Variants in MYO3A observed in about 807,000 individuals in gnomAD.
The protein encoded by MYO3A is myosin IIIA, also known as myosin-IIIa.
In MYO3A, 180 loss-of-function variants were observed where a neutral mutation model predicts 192.7. That is an observed-to-expected ratio of 0.93 (90% CI 0.83 to 1.06). The LOEUF (loss-of-function observed/expected upper bound fraction) is 1.06. MYO3A is among the 50% of genes least tolerant of loss of function. The pLI, the probability that MYO3A is intolerant of heterozygous loss-of-function variation, is 0.00. For synonymous variants in MYO3A, 628 were observed against 645.3 expected (o/e 0.97, Z 0.41); for missense variants, 1,896 against 1,905.0 (o/e 1.00, Z 0.09).
chr10:26,060,927 A>T (rs1452523830), intron 10 of MYO3A, among the ~76,000 whole-genome samples: 1 of 116,968 alleles, frequency 8.5e-6, no homozygotes, highest in Non-Finnish European at 2.1e-5. Context: ...TTTTATTTTT[A>T]TTTTATTTTA....
chr10:26,212,080 C>T lies in MYO3A; in HGVS notation c.*117C>T. ...GCACTGAAGCTGCGGCCCTGATCTCCGCAGAGGCTGCCTGCTGCGCTCGGC... is the reference window on the plus strand; with the variant it reads ...GCACTGAAGCTGCGGCCCTGATCTCTGCAGAGGCTGCCTGCTGCGCTCGGC... On this transcript the variant is annotated 3_prime_UTR_variant, in exon 35 of 35. Coordinates refer to ENST00000642920, the MANE Select transcript of MYO3A (RefSeq NM_017433.5). 1 of 1,405,450 alleles carries T rather than the reference C, an allele frequency of 7.1e-7. No individual in the cohort carries two copies. Among genetic ancestry groups the T allele is most frequent in the Non-Finnish European group, 9.5e-7 (1 of 1,054,422 alleles). 87.1% of individuals were successfully genotyped at this position (1,405,450 alleles called of 1,614,324 possible).
At position 25,954,137 on chromosome 10, in the gene MYO3A, C is replaced by T. The variant is rs190636543; in HGVS notation, c.169-737C>T. Among the ~76,000 whole-genome samples, 75 of 152,110 alleles carry T rather than the reference C, an allele frequency of 4.9e-4. No individual in the cohort carries two copies. In the East Asian group the frequency reaches 0.014, roughly 29 times the overall value. ...ACTTTATGCCTTTAAAATTAGAGCT[C>T]AGATTTAAATTTCTACCTCTATGAT... On this transcript the variant is annotated intron_variant, in intron 3 of 34. Transcript: ENST00000642920.
chr10:26,120,567 T>TA (rs1203730860), intron 17 of MYO3A, 109 bp from the exon 18 acceptor site: 2 of 1,406,642 alleles, frequency 1.4e-6, no homozygotes, highest in Admixed American at 3.4e-5. Context: ...AGTCTGTGGA[T>TA]AGATATGAAA....
intron 12 of MYO3A, 30 bp from the exon 13 acceptor site, chr10:26,070,081 C>G: frequency 6.7e-7 from 1 of 1,491,968 alleles, no homozygotes; most frequent in Non-Finnish European, 9.3e-7. Flanking sequence ...AACAAAAAGC[C>G]CTACAAAATG....
intron 20 of MYO3A, among the ~76,000 whole-genome samples, chr10:26,131,404 A>C (rs572509343): frequency 6.6e-6 from 1 of 152,278 alleles, no homozygotes; most frequent in South Asian, 2.1e-4. Context: ...TGCAGAGTAG[A>C]TAGTTTTATG....
chr10:26,033,504 C>T (rs1029084742), intron 10 of MYO3A, among the ~76,000 whole-genome samples: 1 of 152,136 alleles, frequency 6.6e-6, no homozygotes, highest in Non-Finnish European at 1.5e-5. Context: ...AAATGTCTTA[C>T]GATCCCACTC....
At chr10:26,203,952 T>A (rs940522172) in intron 34 of MYO3A, 8 of 152,220 alleles carry the variant, frequency 5.3e-5, no homozygotes, top group African/African-American at 1.9e-4. Flanking sequence ...TTTCCATATC[T>A]GCAAAAGAAT....
intron 2 of MYO3A, among the ~76,000 whole-genome samples, chr10:25,950,214 C>T (rs1837118115): frequency 6.6e-6 from 1 of 152,104 alleles, no homozygotes; most frequent in African/African-American, 2.4e-5. Flanking sequence ...ACAGCAGTTA[C>T]CCCGGCTAGC....
At position 26,174,352 on chromosome 10, in the gene MYO3A, G is replaced by A. The variant is rs876657530; in HGVS notation, c.4088G>A (p.Arg1363Lys). Residue 1363 changes from arginine to lysine, a missense_variant, in exon 30 of 35, where the codon AGG becomes AAG. Coordinates refer to ENST00000642920, the MANE Select transcript of MYO3A (RefSeq NM_017433.5). ...AGCAAATACCGGGGTTACAAGAGAA[G>A]GCAGCAGTTGAGGAAGGACAAGATG... Reference protein sequence around the residue: ...IQSKYRGYKRRQQLRKDKMSS... With the variant: ...IQSKYRGYKRKQQLRKDKMSS... 6.2e-7 allele frequency: 1 copy of A among 1,614,108 alleles called. No individual in the cohort carries two copies. The highest frequency in any genetic ancestry group is 1.7e-5 in the Admixed American group (1 of 60,016).
intron 22 of MYO3A, among the ~76,000 whole-genome samples, chr10:26,146,518 G>A (rs1444710515): frequency 1.3e-5 from 2 of 152,152 alleles, no homozygotes; most frequent in African/African-American, 2.4e-5. Flanking sequence ...CTGGCTTGAA[G>A]ATGGCTACCT....
At chr10:26,159,040 C>A (rs1841322254) in intron 26 of MYO3A, among the ~76,000 whole-genome samples, 1 of 148,976 alleles carries the variant, frequency 6.7e-6, no homozygotes, top group Admixed American at 6.7e-5. Flanking sequence ...CGGAGTCTTG[C>A]ACTGTTGCCC....
chr10:26,118,956 G>A (rs769310523), intron 17 of MYO3A, among the ~76,000 whole-genome samples: 1 of 152,084 alleles, frequency 6.6e-6, no homozygotes, highest in Non-Finnish European at 1.5e-5. Context: ...TTGGCCCAGG[G>A]AGCCTGGGTG....
chr10:26,208,837 T>C (rs1031267928), intron 34 of MYO3A, among the ~76,000 whole-genome samples: 1 of 152,226 alleles, frequency 6.6e-6, no homozygotes, highest in African/African-American at 2.4e-5. Flanking sequence ...TTCACCATTA[T>C]TTTCATTCAT....
intron 4 of MYO3A, among the ~76,000 whole-genome samples, chr10:25,969,222 G>A (rs59945933): frequency 0.011 from 1,730 of 152,272 alleles, 39 homozygotes; most frequent in African/African-American, 0.037. Flanking sequence ...GGGCAACAGA[G>A]CAAGACTCCA....
chr10:26,182,176 C>T (rs577918678), intron 31 of MYO3A, among the ~76,000 whole-genome samples: 2 of 152,246 alleles, frequency 1.3e-5, no homozygotes, highest in East Asian at 1.9e-4. Context: ...TCCAGTATAG[C>T]GGATACTCTC....
intron 24 of MYO3A, 71 bp downstream of exon 24, chr10:26,154,000 T>G: frequency 9.1e-7 from 1 of 1,104,770 alleles, no homozygotes. Flanking sequence ...ATTTGTATGC[T>G]TCTCAAAGTC....
intron 14 of MYO3A, 87 bp from the exon 15 acceptor site, chr10:26,088,116 T>C (rs1047235041): frequency 3.7e-6 from 4 of 1,072,548 alleles, no homozygotes; most frequent in African/African-American, 3.2e-5. Flanking sequence ...TATATCTACA[T>C]AAATTGCTTA....
chr10:25,960,955 G>A (rs79702842), intron 4 of MYO3A, among the ~76,000 whole-genome samples: 12,387 of 152,124 alleles, frequency 0.081, 828 homozygotes, highest in African/African-American at 0.17. Flanking sequence ...ACTCATCTAA[G>A]CTTAGTTACC....
intron 10 of MYO3A, among the ~76,000 whole-genome samples, chr10:26,057,727 A>T (rs900128013): frequency 1.3e-5 from 2 of 152,242 alleles, no homozygotes; most frequent in Admixed American, 6.5e-5. Flanking sequence ...TCAATGGCTA[A>T]TTGGATCTAT....
Sources: gnomAD v4.1 joint callset for allele counts (sites outside exome capture counted in the v4.1 genomes callset) on GRCh38, gnomAD v4.1.1 for gene constraint, MANE v1.5 for transcripts, NCBI Gene and HGNC (gene_info 2026-07-23, HGNC 2026-07-21) for gene names.